Variants in VWA5B1 observed in about 807,000 individuals in gnomAD.
VWA5B1 encodes von Willebrand factor A domain-containing protein 5B1.
Under a neutral mutation model 118.2 loss-of-function variants are expected in VWA5B1, and 115 were observed. The observed-to-expected ratio is 0.97, with a 90% confidence interval of 0.84 to 1.14. The LOEUF is 1.14. VWA5B1 is among the 50% of genes most tolerant of loss of function. The pLI, the probability that VWA5B1 is intolerant of heterozygous loss-of-function variation, is 0.00. For synonymous variants in VWA5B1, 682 were observed against 658.4 expected (o/e 1.04, Z -0.55); for missense variants, 1,596 against 1,603.8 (o/e 1.00, Z 0.08).
intron 14 of VWA5B1, among the ~76,000 whole-genome samples, chr1:20,339,985 C>T (rs895288262): frequency 6.6e-5 from 10 of 152,302 alleles, no homozygotes; most frequent in Non-Finnish European, 1.2e-4. Context: ...AAAGATGCAG[C>T]GCCTGGCCCA....
At chr1:20,350,357 A>G (rs1296869261) in intron 19 of VWA5B1, 127 bp downstream of exon 19, 3 of 1,046,498 alleles carry the variant, frequency 2.9e-6, no homozygotes, top group East Asian at 2.6e-5. Flanking sequence ...AGCCGTCTGC[A>G]TGGGGAATAG....
chr1:20,345,550 C>A lies in VWA5B1; in HGVS notation c.2721C>A (p.Ser907Arg). ...KYTAFVPVDV[S>R]KSRYLPTVVE... is the part of the protein sequence containing the mutation. ...CAGCCTTCGTGCCTGTGGACGTGAG[C>A]AAGAGCCGGTACCTGCCCACCGTGG... is the stretch of plus-strand genomic sequence containing the variant. Residue 907 changes from serine to arginine, a missense_variant, in exon 17 of 22, where the codon AGC (serine) becomes AGA (arginine). Transcript: ENST00000289815. 1 of 1,551,036 alleles carries A rather than the reference C, an allele frequency of 6.4e-7. No individual in the cohort carries two copies. Among genetic ancestry groups the A allele is most frequent in the South Asian group, 1.2e-5 (1 of 84,040 alleles).
At chr1:20,352,671 G>A (rs2090153098) in intron 21 of VWA5B1, among the ~76,000 whole-genome samples, 1 of 152,190 alleles carries the variant, frequency 6.6e-6, no homozygotes, top group Admixed American at 6.5e-5. Flanking sequence ...AGGAGCAAGG[G>A]AGACTGGCCC....
chr1:20,348,213 C>T (rs774142633), intron 17 of VWA5B1, 32 bp from the exon 18 acceptor site: 8 of 1,544,094 alleles, frequency 5.2e-6, no homozygotes, highest in Non-Finnish European at 6.1e-6. Flanking sequence ...CATTTGTACC[C>T]AACCACCCGC....
intron 15 of VWA5B1, among the ~76,000 whole-genome samples, 185 bp downstream of exon 15, chr1:20,342,794 G>T (rs768173233): frequency 2.0e-5 from 3 of 152,150 alleles, no homozygotes; most frequent in Non-Finnish European, 4.4e-5. Context: ...TTCTTGGGTG[G>T]CCTCTGAGGC....
At chr1:20,309,990 G>A (rs1484559166) in intron 1 of VWA5B1, among the ~76,000 whole-genome samples, 3 of 150,846 alleles carry the variant, frequency 2.0e-5, no homozygotes, top group Non-Finnish European at 4.4e-5. Flanking sequence ...GTGAGAAGGA[G>A]GTGCAGGAAT....
chr1:20,331,078 C>A, intron 11 of VWA5B1, 95 bp downstream of exon 11: 2 of 1,066,408 alleles, frequency 1.9e-6, no homozygotes, highest in Non-Finnish European at 1.3e-6. Context: ...TGGGATGACA[C>A]CCCAAATCTG....
In VWA5B1 at chr1:20,330,872, C is replaced by T. The variant is rs1234615718; in HGVS notation, c.1461C>T (p.Cys487=). 2 of 1,551,714 alleles carry T rather than the reference C, an allele frequency of 1.3e-6. No individual in the cohort carries two copies. The highest frequency in any genetic ancestry group is 1.7e-6 in the Non-Finnish European group (2 of 1,146,974). Residue 487 remains cysteine (C), a synonymous_variant, in exon 11 of 22, where the codon TGC becomes TGT. Transcript: ENST00000289815. ...LVRNHAFSTR[C]YSFGIGPNVC... ...CTCTCTTCTCCCTTTCCGCCAGGTG[C>T]TATAGCTTTGGAATTGGACCCAACG...
chr1:20,322,737 C>T (rs1474101857), intron 7 of VWA5B1, among the ~76,000 whole-genome samples: 2 of 152,196 alleles, frequency 1.3e-5, no homozygotes. Context: ...CAGCCAGCTT[C>T]ACAGGTGCAC....
intron 16 of VWA5B1, among the ~76,000 whole-genome samples, chr1:20,344,001 C>A (rs868434163): frequency 1.4e-5 from 2 of 144,984 alleles, no homozygotes; most frequent in Admixed American, 6.9e-5. Context: ...ACTGCTCCCC[C>A]ACTCCACCTC....
intron 1 of VWA5B1, among the ~76,000 whole-genome samples, chr1:20,304,515 AAATC>A (rs1411485178): frequency 2.0e-5 from 3 of 151,340 alleles, no homozygotes; most frequent in African/African-American, 7.3e-5. Context: ...CTTTTGGACA[AAATC>A]AATGGGAAGC....
chr1:20,345,642 T>G, intron 17 of VWA5B1, 49 bp downstream of exon 17: 1 of 1,498,554 alleles, frequency 6.7e-7, no homozygotes, highest in Non-Finnish European at 8.9e-7. Context: ...AAGCAGCCCC[T>G]GTGGACTAGG....
At chr1:20,316,879 T>C (rs1033537248) in intron 4 of VWA5B1, among the ~76,000 whole-genome samples, 6 of 152,062 alleles carry the variant, frequency 3.9e-5, no homozygotes, top group African/African-American at 1.2e-4. Context: ...GGCTAGGAGA[T>C]CTGGGCCAGG....
chr1:20,336,405 G>A lies in VWA5B1; in HGVS notation c.1861G>A (p.Ala621Thr). 1 of 1,528,120 alleles carries A rather than the reference G, an allele frequency of 6.5e-7. No individual in the cohort carries two copies. The highest frequency in any genetic ancestry group is 8.8e-7 in the Non-Finnish European group (1 of 1,135,078). 94.7% of individuals were successfully genotyped at this position (1,528,120 alleles called of 1,614,324 possible). A position where few individuals can be genotyped will look rare whatever the true frequency, so the allele number is the denominator to read the frequency against. The change falls in exon 13 of 22, where the codon GCC (alanine) becomes ACC (threonine). Residue 621 changes from alanine (A) to threonine (T), a missense_variant. Ala to Thr is a moderately conservative substitution (Grantham distance 58, BLOSUM62 0). Coordinates refer to ENST00000289815, the MANE Select transcript of VWA5B1 (RefSeq NM_001039500.3). ...DGPGLEGGDC[A>T]KNSGAPFILG... ...ACCCGGGCTGGAAGGTGGAGACTGT[G>A]CCAAGAACTCGGGGGCACCCTTCAT...
At chr1:20,311,896 C>T (rs759598299) in intron 2 of VWA5B1, among the ~76,000 whole-genome samples, 5 of 152,120 alleles carry the variant, frequency 3.3e-5, no homozygotes, top group Non-Finnish European at 5.9e-5. Context: ...CTAGAGAGGG[C>T]GACTTAAATG....
At chr1:20,311,630 G>A (rs1346580083) in intron 2 of VWA5B1, among the ~76,000 whole-genome samples, 1 of 152,182 alleles carries the variant, frequency 6.6e-6, no homozygotes, top group Non-Finnish European at 1.5e-5. Context: ...CTTCAGGAGG[G>A]GAATTGTGGG....
intron 5 of VWA5B1, 105 bp downstream of exon 5, chr1:20,317,780 C>A: frequency 7.3e-7 from 1 of 1,373,032 alleles, no homozygotes; most frequent in South Asian, 1.5e-5. Flanking sequence ...GCCCAGATGG[C>A]AGACCTACTA....
At chr1:20,324,841 G>A (rs543685137) in intron 8 of VWA5B1, among the ~76,000 whole-genome samples, 2 of 152,268 alleles carry the variant, frequency 1.3e-5, no homozygotes, top group African/African-American at 2.4e-5. Flanking sequence ...ATGACACAGG[G>A]GTGTAGTAGG....
At position 20,356,224 on chromosome 1, in the gene VWA5B1, G is replaced by C. The variant is rs1384499239; in HGVS notation, c.*1961G>C. Among the ~76,000 whole-genome samples, 1 of 152,170 alleles carries C rather than the reference G, an allele frequency of 6.6e-6. No homozygotes were observed. The highest frequency in any genetic ancestry group is 2.4e-5 in the African/African-American group (1 of 41,448). On this transcript the variant is annotated 3_prime_UTR_variant, in exon 22 of 22. Coordinates refer to ENST00000289815, the MANE Select transcript of VWA5B1 (RefSeq NM_001039500.3). ...ACAAGTAATGGAAAAAAAATGCCAG[G>C]TTTTGAGTCAGAACACCCAGACTCA...
Sources: allele counts gnomAD v4.1 joint callset (sites outside exome capture counted in the v4.1 genomes callset), GRCh38; gene constraint gnomAD v4.1.1; transcripts MANE v1.5; gene names NCBI Gene and HGNC (gene_info 2026-07-23, HGNC 2026-07-21).